The following HDAC9 variants were observed in gnomAD, a reference collection of about 807,000 sequenced individuals.
HDAC9 encodes MEF-2 interacting transcription repressor (MITR) protein.
A neutral mutation model predicts 139.4 loss-of-function variants in HDAC9; 41 were observed. That is an observed-to-expected ratio of 0.29 (90% confidence interval 0.23 to 0.38). The LOEUF (loss-of-function observed/expected upper bound fraction) is 0.38. Among genes scored for constraint, HDAC9 ranks in the 10% least tolerant of loss-of-function variants. HDAC9 has a pLI of 1.00. For synonymous variants in HDAC9, 517 were observed against 476.2 expected (o/e 1.09, Z -1.12); for missense variants, 1,147 against 1,297.0 (o/e 0.88, Z 1.78).
intron 2 of HDAC9, among the ~76,000 whole-genome samples, chr7:18,222,400 T>C (rs1317602833): frequency 1.3e-5 from 2 of 152,168 alleles, no homozygotes; most frequent in African/African-American, 4.8e-5. Context: ...AGGTAGCTGT[T>C]AGCTTTATGT....
intron 1 of HDAC9, among the ~76,000 whole-genome samples, chr7:18,111,524 G>A (rs1219421272): frequency 2.6e-5 from 4 of 152,152 alleles, no homozygotes; most frequent in Non-Finnish European, 5.9e-5. Context: ...GGATGCCCAA[G>A]TCTCTTGGGT....
intron 1 of HDAC9, among the ~76,000 whole-genome samples, chr7:18,482,416 A>AAAAAAAAAAAT (rs1363675050): frequency 7.2e-6 from 1 of 139,564 alleles, no homozygotes; most frequent in Non-Finnish European, 1.5e-5. Context: ...AAAAAAAAAA[A>AAAAAAAAAAAT]ATTCTCCTTG....
intron 2 of HDAC9, among the ~76,000 whole-genome samples, chr7:18,257,515 T>C (rs989639869): frequency 6.6e-6 from 1 of 152,018 alleles, no homozygotes; most frequent in Non-Finnish European, 1.5e-5. Context: ...ACTATCCATT[T>C]TGTATAAATA....
At chr7:18,960,041 C>CACACACACAG (rs1328506479) in intron 24 of HDAC9, among the ~76,000 whole-genome samples, 1 of 148,592 alleles carries the variant, frequency 6.7e-6, no homozygotes, top group African/African-American at 2.5e-5. Flanking sequence ...CACACACACA[C>CACACACACAG]AGAGTATTAT....
At chr7:18,784,204 A>C (rs1056582702) in intron 16 of HDAC9, among the ~76,000 whole-genome samples, 3 of 151,992 alleles carry the variant, frequency 2.0e-5, no homozygotes, top group African/African-American at 7.2e-5. Flanking sequence ...TAAGACAATT[A>C]ATCCCTTTAA....
intron 23 of HDAC9, among the ~76,000 whole-genome samples, chr7:18,953,148 C>G (rs146624909): frequency 6.6e-6 from 1 of 152,008 alleles, no homozygotes; most frequent in Non-Finnish European, 1.5e-5. Context: ...TGCTTTGATG[C>G]GTCTAGTGAC....
chr7:18,731,281 A>G (rs1786021226), intron 13 of HDAC9, among the ~76,000 whole-genome samples: 1 of 152,112 alleles, frequency 6.6e-6, no homozygotes, highest in African/African-American at 2.4e-5. Flanking sequence ...ACGATCTCAC[A>G]TTCTCAATAG....
intron 12 of HDAC9, among the ~76,000 whole-genome samples, chr7:18,685,999 C>T (rs1228258706): frequency 1.3e-5 from 2 of 151,848 alleles, no homozygotes; most frequent in African/African-American, 4.8e-5. Flanking sequence ...ATTTAATCAC[C>T]ATTTCATATT....
At chr7:18,679,479 C>A (rs1781743457) in intron 12 of HDAC9, among the ~76,000 whole-genome samples, 1 of 151,118 alleles carries the variant, frequency 6.6e-6, no homozygotes, top group Admixed American at 6.6e-5. Flanking sequence ...TCCCTCCCAC[C>A]CTCTCTCCCT....
intron 12 of HDAC9, among the ~76,000 whole-genome samples, chr7:18,720,627 T>TAAA (rs538887681): frequency 7.0e-6 from 1 of 143,712 alleles, no homozygotes; most frequent in African/African-American, 2.5e-5. Flanking sequence ...TTTACCTTAG[T>TAAA]AAAAAAAAAA....
intron 1 of HDAC9, among the ~76,000 whole-genome samples, chr7:18,410,963 G>A (rs757342409): frequency 5.3e-5 from 8 of 152,164 alleles, no homozygotes; most frequent in Non-Finnish European, 7.3e-5. Context: ...AATTATAATC[G>A]TCAAGGAAGT....
At chr7:18,363,600 A>G (rs1783948673) in intron 1 of HDAC9, among the ~76,000 whole-genome samples, 1 of 152,184 alleles carries the variant, frequency 6.6e-6, no homozygotes, top group Admixed American at 6.6e-5. Flanking sequence ...TTGATTCACT[A>G]AGAACCACTA....
At chr7:18,859,466 C>A (rs533087753) in intron 21 of HDAC9, among the ~76,000 whole-genome samples, 1 of 151,918 alleles carries the variant, frequency 6.6e-6, no homozygotes, top group African/African-American at 2.4e-5. Flanking sequence ...CAGTCTCTTT[C>A]TGGCTATGCC....
intron 1 of HDAC9, among the ~76,000 whole-genome samples, chr7:18,293,111 G>A (rs1015060003): frequency 6.6e-6 from 1 of 151,900 alleles, no homozygotes; most frequent in African/African-American, 2.4e-5. Context: ...ATTTGCAATC[G>A]TTCATTTTTC....
upstream of HDAC9, among the ~76,000 whole-genome samples, chr7:18,493,738 C>T (rs1586275473): frequency 6.6e-6 from 1 of 151,096 alleles, no homozygotes; most frequent in South Asian, 2.1e-4. Flanking sequence ...TCAAATATAC[C>T]GCAATTTAAA....
At chr7:18,888,130 G>C (rs1800330122) in intron 22 of HDAC9, among the ~76,000 whole-genome samples, 1 of 152,166 alleles carries the variant, frequency 6.6e-6, no homozygotes, top group Non-Finnish European at 1.5e-5. Context: ...ATAGAAATGA[G>C]CTTTCACTGG....
intron 2 of HDAC9, among the ~76,000 whole-genome samples, chr7:18,259,853 T>C (rs1038201135): frequency 2.6e-5 from 4 of 152,240 alleles, no homozygotes; most frequent in African/African-American, 9.6e-5. Flanking sequence ...TTAAAAATCT[T>C]ACCTCTTTTA....
At chr7:18,922,426 G>A (rs1803840115) in intron 22 of HDAC9, among the ~76,000 whole-genome samples, 2 of 151,960 alleles carry the variant, frequency 1.3e-5, no homozygotes, top group Non-Finnish European at 2.9e-5. Context: ...CAGCTAGAAG[G>A]AAGCCTTCAA....
chr7:18,913,184 C>G (rs1802889314), intron 22 of HDAC9, among the ~76,000 whole-genome samples: 1 of 152,056 alleles, frequency 6.6e-6, no homozygotes, highest in African/African-American at 2.4e-5. Flanking sequence ...GTTGAACTTT[C>G]TCCAGTTCTT....
Sources: allele counts gnomAD v4.1 joint callset (sites outside exome capture counted in the v4.1 genomes callset), GRCh38; gene constraint gnomAD v4.1.1; transcripts MANE v1.5; gene names NCBI Gene and HGNC (gene_info 2026-07-23, HGNC 2026-07-21).